CAMK2D: variants seen among roughly 807,000 people sequenced by gnomAD.
CAMK2D encodes calcium/calmodulin-dependent protein kinase type II subunit delta.
Under a neutral mutation model 84.0 loss-of-function variants are expected in CAMK2D, and 37 were observed. The ratio of observed to expected loss-of-function variants is 0.44; its 90% CI spans 0.34 to 0.58. CAMK2D has a LOEUF of 0.58. Among genes scored for constraint, CAMK2D ranks in the 20% least tolerant of loss-of-function variants. The probability of loss-of-function intolerance (pLI) is 0.02; values close to 1 mark genes in which losing one functional copy is unlikely to be tolerated. For missense variants in CAMK2D, 448 were observed against 652.5 expected, an observed-to-expected ratio of 0.69 and a Z score of 3.41; for synonymous variants, 202 against 212.5, an observed-to-expected ratio of 0.95 and a Z score of 0.43.
At chr4:113,473,097 T>C (rs921141865) in intron 16 of CAMK2D, among the ~76,000 whole-genome samples, 2 of 152,234 alleles carry the variant, frequency 1.3e-5, no homozygotes, top group African/African-American at 2.4e-5. Context: ...AATCATAAAC[T>C]TAAATGAACC....
At chr4:113,569,950 T>C (rs1251053375) in intron 4 of CAMK2D, among the ~76,000 whole-genome samples, 1 of 151,918 alleles carries the variant, frequency 6.6e-6, no homozygotes, top group Non-Finnish European at 1.5e-5. Context: ...AGTTGCAGGA[T>C]ACAAAATCAG....
At chr4:113,498,344 A>G (rs1489828584) in intron 16 of CAMK2D, among the ~76,000 whole-genome samples, 1 of 152,154 alleles carries the variant, frequency 6.6e-6, no homozygotes, top group Non-Finnish European at 1.5e-5. Flanking sequence ...GGCCTAGGCA[A>G]TCTTTCAAAG....
At chr4:113,660,454 T>C (rs575666576) in intron 3 of CAMK2D, among the ~76,000 whole-genome samples, 80 of 152,246 alleles carry the variant, frequency 5.3e-4, no homozygotes, top group African/African-American at 1.9e-3. Flanking sequence ...CTGTCTGAAG[T>C]GCATGGCTCA....
At chr4:113,514,607 ATTC>A (rs1351697235) in intron 10 of CAMK2D, among the ~76,000 whole-genome samples, 3 of 152,178 alleles carry the variant, frequency 2.0e-5, no homozygotes, top group South Asian at 2.1e-4. Context: ...ATTTCACACT[ATTC>A]TTCTTAATAT....
At chr4:113,468,076 G>A (rs759503190) in intron 16 of CAMK2D, among the ~76,000 whole-genome samples, 1 of 151,994 alleles carries the variant, frequency 6.6e-6, no homozygotes, top group Non-Finnish European at 1.5e-5. Flanking sequence ...TCAGTTTATA[G>A]AGTGTGAAGA....
At position 113,684,558 on chromosome 4, in the gene CAMK2D, G is replaced by A. The variant is rs146536952; in HGVS notation, c.161-22786C>T. Among the ~76,000 whole-genome samples, 1,204 of 152,258 alleles carry A rather than the reference G, an allele frequency of 7.9e-3. 16 individuals are homozygous for A. Among genetic ancestry groups the A allele is most frequent in the African/African-American group, 0.028 (1,157 of 41,532 alleles). Reference sequence around the variant, plus strand: ...AACAGAGGACTTGCTCAGAACAAGGGAAGAAGATGACTATGCAGCTGCTCG... The same window carrying A: ...AACAGAGGACTTGCTCAGAACAAGGAAAGAAGATGACTATGCAGCTGCTCG... On this transcript the variant is annotated intron_variant, in intron 2 of 20. Transcript: ENST00000511664.
chr4:113,518,075 C>A (rs2154170723), intron 8 of CAMK2D, among the ~76,000 whole-genome samples: 1 of 152,238 alleles, frequency 6.6e-6, no homozygotes, highest in Non-Finnish European at 1.5e-5. Flanking sequence ...TTTTGATGGT[C>A]ATTGGGACAT....
At chr4:113,577,886 A>C (rs1312807922) in intron 4 of CAMK2D, among the ~76,000 whole-genome samples, 3 of 152,052 alleles carry the variant, frequency 2.0e-5, no homozygotes, top group Non-Finnish European at 4.4e-5. Flanking sequence ...GAAAGAGTGC[A>C]CCTGATTTAA....
intron 16 of CAMK2D, among the ~76,000 whole-genome samples, chr4:113,490,378 A>G (rs983361520): frequency 2.2e-5 from 3 of 134,810 alleles, no homozygotes; most frequent in African/African-American, 9.3e-5. Flanking sequence ...CAGTTTTCCC[A>G]GCACCATTTA....
chr4:113,689,027 G>A (rs897634137), intron 2 of CAMK2D, among the ~76,000 whole-genome samples: 6 of 150,618 alleles, frequency 4.0e-5, no homozygotes, highest in African/African-American at 9.8e-5. Flanking sequence ...GGCAGATCAC[G>A]AGGTCAAGAG....
At chr4:113,582,605 A>G (rs1394667893) in intron 4 of CAMK2D, among the ~76,000 whole-genome samples, 1 of 152,146 alleles carries the variant, frequency 6.6e-6, no homozygotes, top group African/African-American at 2.4e-5. Context: ...TTTTTAAAAA[A>G]TTTGCCTTTA....
chr4:113,543,823 G>A (rs1044345892), intron 6 of CAMK2D, among the ~76,000 whole-genome samples: 4 of 149,884 alleles, frequency 2.7e-5, no homozygotes, highest in South Asian at 4.2e-4. Flanking sequence ...ACAGAGTCTC[G>A]CTCTGTTGCC....
intron 4 of CAMK2D, among the ~76,000 whole-genome samples, chr4:113,552,319 G>A (rs1053579696): frequency 6.6e-6 from 1 of 152,082 alleles, no homozygotes; most frequent in Non-Finnish European, 1.5e-5. Flanking sequence ...ACAATTTTCT[G>A]TATGCCATAA....
At chr4:113,754,052 GAC>G in intron 2 of CAMK2D, 1 of 888,722 alleles carries the variant, frequency 1.1e-6, no homozygotes, top group Non-Finnish European at 1.3e-6. Context: ...AACACATAAA[GAC>G]ATGTGAATAT....
At chr4:113,593,402 ACCT>A (rs903496597) in intron 4 of CAMK2D, among the ~76,000 whole-genome samples, 2 of 152,082 alleles carry the variant, frequency 1.3e-5, no homozygotes, top group African/African-American at 4.8e-5. Context: ...ACGAGCAGAA[ACCT>A]CCTCTGAACC....
chr4:113,462,265 AAT>A (rs1491237804), intron 17 of CAMK2D, among the ~76,000 whole-genome samples: 4 of 93,344 alleles, frequency 4.3e-5, no homozygotes, highest in Admixed American at 2.1e-4. Context: ...TATATTTGGA[AAT>A]GTGTGTGTGT....
At chr4:113,513,967 G>T in intron 10 of CAMK2D, 54 bp from the exon 11 acceptor site, 2 of 765,402 alleles carry the variant, frequency 2.6e-6, no homozygotes, top group Non-Finnish European at 4.4e-6. Context: ...AACACACTAA[G>T]TATAATAATG....
chr4:113,681,408 T>C lies in CAMK2D; in HGVS notation c.161-19636A>G, dbSNP rs1250557954. Among the ~76,000 whole-genome samples the C allele has an allele frequency of 4.6e-5, 7 of 152,274 alleles. No homozygotes were observed. The South Asian group carries it at 8.3e-4, about 18-fold the overall frequency. On this transcript the variant is annotated intron_variant, in intron 2 of 20. Coordinates refer to ENST00000511664, the MANE Select transcript of CAMK2D (RefSeq NM_001321571.2). Reference sequence around the variant, plus strand: ...TCAGCACTTCTCTCTCCTGCCGCCATGTGAAGAAGGATGTGTTTGCTTCCC... The same window carrying C: ...TCAGCACTTCTCTCTCCTGCCGCCACGTGAAGAAGGATGTGTTTGCTTCCC...
At chr4:113,635,715 A>G (rs1398736449) in intron 3 of CAMK2D, among the ~76,000 whole-genome samples, 1 of 152,228 alleles carries the variant, frequency 6.6e-6, no homozygotes, top group African/African-American at 2.4e-5. Flanking sequence ...GAGAAAATAA[A>G]TATTCCCTGC....
Sources: allele counts gnomAD v4.1 joint callset (sites outside exome capture counted in the v4.1 genomes callset), GRCh38; gene constraint gnomAD v4.1.1; transcripts MANE v1.5; gene names NCBI Gene and HGNC (gene_info 2026-07-23, HGNC 2026-07-21).